Variants in CFAP299 observed in about 807,000 individuals in gnomAD.
The protein encoded by CFAP299 is cilia- and flagella-associated protein 299.
In CFAP299, 21 loss-of-function variants were observed where a neutral mutation model predicts 27.0. The ratio of observed to expected loss-of-function variants is 0.78; its 90% CI spans 0.55 to 1.12. The LOEUF (loss-of-function observed/expected upper bound fraction) is 1.12. Among genes scored for constraint, CFAP299 ranks in the 50% most tolerant of loss-of-function variants. The pLI is 0.00. For missense variants in CFAP299, 310 were observed against 276.6 expected (o/e 1.12, Z -0.86); for synonymous variants, 104 against 98.1 (o/e 1.06, Z -0.36).
At chr4:80,869,734 G>A (rs1345052091) in intron 3 of CFAP299, among the ~76,000 whole-genome samples, 2 of 152,082 alleles carry the variant, frequency 1.3e-5, no homozygotes, top group African/African-American at 2.4e-5. Context: ...GGATAGTCTC[G>A]ATCTCCTTAC....
At position 80,563,007 on chromosome 4, in the gene CFAP299, A is replaced by AAT. The variant is rs1440979203; in HGVS notation, c.243-20078_243-20077dup. On this transcript the variant is annotated intron_variant, in intron 2 of 5. Transcript: ENST00000358105. ...TCAGCAAGAGGTTTCAACAATTTTA[A>AAT]ATATATATACATGTACCCAACACTG... 2.0e-5 allele frequency among the ~76,000 whole-genome samples: 3 copies of AAT among 152,176 alleles called. No homozygotes were observed. In the East Asian group the frequency reaches 5.8e-4, roughly 29 times the overall value.
chr4:80,691,664 A>G (rs1477070938), intron 3 of CFAP299, among the ~76,000 whole-genome samples: 1 of 150,400 alleles, frequency 6.6e-6, no homozygotes, highest in Non-Finnish European at 1.5e-5. Flanking sequence ...CACCACTCCT[A>G]TTCAACATAG....
intron 3 of CFAP299, among the ~76,000 whole-genome samples, chr4:80,651,367 C>CT (rs11365987): frequency 0.095 from 12,647 of 133,620 alleles, 663 homozygotes; most frequent in Middle Eastern, 0.21. Context: ...TCTTCTTCTT[C>CT]TTTTTTTTTT....
intron 2 of CFAP299, among the ~76,000 whole-genome samples, chr4:80,540,007 A>G (rs1442942644): frequency 6.8e-6 from 1 of 147,906 alleles, no homozygotes; most frequent in African/African-American, 2.6e-5. Context: ...ATTTTGTGTA[A>G]AAACTGTGGA....
At chr4:80,912,294 G>A (rs916800240) in intron 4 of CFAP299, among the ~76,000 whole-genome samples, 1 of 152,166 alleles carries the variant, frequency 6.6e-6, no homozygotes, top group African/African-American at 2.4e-5. Flanking sequence ...AGAATAGTTA[G>A]CCATCAACTT....
chr4:80,776,023 C>T (rs1303487340), intron 3 of CFAP299, among the ~76,000 whole-genome samples: 9 of 151,950 alleles, frequency 5.9e-5, no homozygotes, highest in African/African-American at 2.2e-4. Flanking sequence ...TCTTTTTCTC[C>T]CCCTGGATGT....
intron 3 of CFAP299, among the ~76,000 whole-genome samples, chr4:80,641,475 T>C (rs1739723887): frequency 6.6e-6 from 1 of 152,332 alleles, no homozygotes; most frequent in African/African-American, 2.4e-5. Flanking sequence ...AGTGCTGGGA[T>C]TACAGGCATG....
chr4:80,476,541 AG>A (rs1408633074), intron 2 of CFAP299, among the ~76,000 whole-genome samples: 1 of 151,994 alleles, frequency 6.6e-6, no homozygotes, highest in African/African-American at 2.4e-5. Flanking sequence ...CATTTTCTGG[AG>A]GGCTATTTTG....
intron 4 of CFAP299, chr4:80,872,138 T>A (rs968779723): frequency 2.0e-5 from 3 of 152,094 alleles, no homozygotes; most frequent in African/African-American, 7.2e-5. Flanking sequence ...CCCTATAAAC[T>A]GATTTGATTA....
intron 2 of CFAP299, among the ~76,000 whole-genome samples, chr4:80,529,079 T>G (rs1733331043): frequency 6.6e-6 from 1 of 152,142 alleles, no homozygotes; most frequent in South Asian, 2.1e-4. Flanking sequence ...GAAGCAATCT[T>G]CCCAAAACTC....
chr4:80,478,779 G>A (rs1730410084), intron 2 of CFAP299, among the ~76,000 whole-genome samples: 1 of 151,278 alleles, frequency 6.6e-6, no homozygotes, highest in Admixed American at 6.6e-5. Context: ...TTATAGTGGA[G>A]TGCTCTGTTT....
chr4:80,554,773 A>G (rs1734707810), intron 2 of CFAP299, among the ~76,000 whole-genome samples: 1 of 151,976 alleles, frequency 6.6e-6, no homozygotes, highest in Admixed American at 6.6e-5. Context: ...TGTGAATGGG[A>G]TTGCCTTCCT....
intron 1 of CFAP299, among the ~76,000 whole-genome samples, chr4:80,359,626 T>C (rs1192235572): frequency 2.6e-5 from 4 of 152,230 alleles, no homozygotes; most frequent in African/African-American, 9.6e-5. Context: ...TTAATACTTG[T>C]GATTACATAA....
intron 1 of CFAP299, among the ~76,000 whole-genome samples, chr4:80,349,620 G>A (rs1339004145): frequency 6.6e-6 from 1 of 152,128 alleles, no homozygotes; most frequent in African/African-American, 2.4e-5. Flanking sequence ...AAAATAGTAT[G>A]ATTTGTTATA....
chr4:80,942,529 T>G (rs1349766648), intron 4 of CFAP299, among the ~76,000 whole-genome samples: 1 of 152,148 alleles, frequency 6.6e-6, no homozygotes, highest in Non-Finnish European at 1.5e-5. Context: ...AAAAAGCCTA[T>G]TTTCCATCTC....
chr4:80,753,454 G>T (rs1307249360), intron 3 of CFAP299, among the ~76,000 whole-genome samples: 1 of 152,042 alleles, frequency 6.6e-6, no homozygotes, highest in African/African-American at 2.4e-5. Flanking sequence ...GTTTGTATAT[G>T]ATATTGGTTT....
chr4:80,340,976 G>A (rs943059009), intron 1 of CFAP299, among the ~76,000 whole-genome samples: 14 of 152,096 alleles, frequency 9.2e-5, no homozygotes, highest in Non-Finnish European at 1.8e-4. Context: ...GGGTTTCACT[G>A]TGTTGGTCAG....
At chr4:80,452,945 G>T (rs1188827884) in intron 2 of CFAP299, among the ~76,000 whole-genome samples, 2 of 152,228 alleles carry the variant, frequency 1.3e-5, no homozygotes, top group Non-Finnish European at 2.9e-5. Context: ...AGTAAAAACA[G>T]ATGGCCATGA....
chr4:80,758,346 G>A (rs1725365616), intron 3 of CFAP299, among the ~76,000 whole-genome samples: 2 of 152,272 alleles, frequency 1.3e-5, no homozygotes, highest in African/African-American at 4.8e-5. Flanking sequence ...CTGTCCCTCT[G>A]AAGTCAAGCT....
Sources: gnomAD v4.1 joint callset for allele counts (sites outside exome capture counted in the v4.1 genomes callset) on GRCh38, gnomAD v4.1.1 for gene constraint, MANE v1.5 for transcripts, NCBI Gene and HGNC (gene_info 2026-07-23, HGNC 2026-07-21) for gene names.